The following NANS variants were observed in gnomAD, a reference collection of about 807,000 sequenced individuals.
The protein encoded by NANS is N-acetylneuraminate synthase.
Under a neutral mutation model 33.3 loss-of-function variants are expected in NANS, and 29 were observed. The ratio of observed to expected loss-of-function variants is 0.87; its 90% CI spans 0.65 to 1.19. NANS has a LOEUF of 1.19. NANS is among the 50% of genes most tolerant of loss of function. The pLI is 0.00. For missense variants in NANS, 394 were observed against 461.1 expected (o/e 0.85, Z 1.33); for synonymous variants, 163 against 177.2 (o/e 0.92, Z 0.64).
intron 2 of NANS, among the ~76,000 whole-genome samples, chr9:98,070,271 C>T (rs929317401): frequency 3.9e-5 from 6 of 152,122 alleles, no homozygotes; most frequent in Non-Finnish European, 7.4e-5. Flanking sequence ...GTGTATGCCA[C>T]CATGCCCAGC....
Position 98,082,806 on chromosome 9 carries a change from C to T in NANS, c.871-40C>T, listed in dbSNP as rs1379452602. On this transcript the variant is annotated intron_variant, in intron 5 of 5. Coordinates refer to ENST00000210444, the MANE Select transcript of NANS (RefSeq NM_018946.4). ...AAAGTAAAGTAGTGTGCACTAGTTACTTCTGTGAAGCTGGCACTGAATGTT... is the reference window on the plus strand; with the variant it reads ...AAAGTAAAGTAGTGTGCACTAGTTATTTCTGTGAAGCTGGCACTGAATGTT... The T allele has an allele frequency of 6.9e-6, 11 of 1,596,182 alleles. No individual in the cohort carries two copies. In the African/African-American group the frequency reaches 1.2e-4, roughly 18 times the overall value.
rs1189636288 is a variant in NANS, at chr9:98,075,426, G to GGGAAGGAAAGGGA, written c.349-1474_349-1462dup. 2 of 149,824 alleles carry GGGAAGGAAAGGGA rather than the reference G, an allele frequency of 1.3e-5. 1 individual carries two copies. Among genetic ancestry groups the GGGAAGGAAAGGGA allele is most frequent in the African/African-American group, 4.9e-5 (2 of 40,594 alleles). 9.3% of individuals were successfully genotyped at this position (149,824 alleles called of 1,614,324 possible). On this transcript the variant is annotated intron_variant, in intron 2 of 5. Transcript: ENST00000210444. ...GGGAGGAAGGAAAGGGAGAGAGGGA[G>GGGAAGGAAAGGGA]GGAAGGAAAGGGAGGAAGGAAAGGG...
At chr9:98,072,953 C>T (rs1829409491) in intron 2 of NANS, among the ~76,000 whole-genome samples, 1 of 152,172 alleles carries the variant, frequency 6.6e-6, no homozygotes, top group Non-Finnish European at 1.5e-5. Flanking sequence ...TTTATTAAGG[C>T]CAAGAAAACC....
intron 2 of NANS, among the ~76,000 whole-genome samples, chr9:98,065,224 A>G (rs1165424288): frequency 1.3e-5 from 2 of 151,662 alleles, no homozygotes; most frequent in Non-Finnish European, 2.9e-5. Flanking sequence ...CTAAATAAAT[A>G]GGATTGTTTT....
intron 2 of NANS, chr9:98,075,531 G>T (rs115061181): frequency 4.6e-5 from 7 of 151,820 alleles, no homozygotes; most frequent in African/African-American, 1.2e-4. Context: ...CCGTCGGTCC[G>T]TCGGTCCTAG....
chr9:98,059,373 G>A (rs904883818), intron 1 of NANS, among the ~76,000 whole-genome samples: 7 of 152,036 alleles, frequency 4.6e-5, no homozygotes, highest in African/African-American at 9.7e-5. Context: ...AGAAATGGCC[G>A]TGAGATGGGA....
chr9:98,077,543 T>G (rs886603216), intron 3 of NANS, among the ~76,000 whole-genome samples: 8 of 151,910 alleles, frequency 5.3e-5, no homozygotes, highest in Admixed American at 2.0e-4. Context: ...TATAAGAAAT[T>G]AAGGATATGA....
intron 2 of NANS, among the ~76,000 whole-genome samples, chr9:98,061,481 TAA>T (rs1284256979): frequency 4.2e-4 from 31 of 74,572 alleles, no homozygotes; most frequent in Admixed American, 1.1e-3. Flanking sequence ...CATCTCAAAT[TAA>T]AAAAAAAAAA....
At chr9:98,081,345 T>C in intron 5 of NANS, 1 of 494,800 alleles carries the variant, frequency 2.0e-6, no homozygotes. Context: ...CTTCCACTAA[T>C]TCTCTGAAGC....
chr9:98,061,252 G>T, intron 2 of NANS: 1 of 447,346 alleles, frequency 2.2e-6, no homozygotes, highest in Non-Finnish European at 4.1e-6. Flanking sequence ...TGAGGGGGAT[G>T]GATCACCTGA....
At chr9:98,064,446 G>A (rs1005992019) in intron 2 of NANS, among the ~76,000 whole-genome samples, 1 of 152,014 alleles carries the variant, frequency 6.6e-6, no homozygotes, top group African/African-American at 2.4e-5. Context: ...AGTAGAGATG[G>A]GGTTTCACCA....
intron 2 of NANS, among the ~76,000 whole-genome samples, chr9:98,070,663 G>T (rs535804604): frequency 3.3e-5 from 5 of 151,806 alleles, no homozygotes; most frequent in African/African-American, 1.2e-4. Flanking sequence ...CAGGTGATCC[G>T]CCCACCTTGT....
At chr9:98,079,508 C>G (rs541296015) in intron 4 of NANS, among the ~76,000 whole-genome samples, 2 of 152,258 alleles carry the variant, frequency 1.3e-5, no homozygotes, top group African/African-American at 2.4e-5. Context: ...TGACATTACT[C>G]TCTTTTTACC....
intron 1 of NANS, among the ~76,000 whole-genome samples, chr9:98,057,512 T>C (rs1828860371): frequency 6.6e-6 from 1 of 152,202 alleles, no homozygotes. Flanking sequence ...GGCTGCTTAC[T>C]TAGCCTCCGT....
intron 3 of NANS, chr9:98,077,989 G>A: frequency 1.6e-6 from 1 of 623,338 alleles, no homozygotes; most frequent in Admixed American, 3.0e-5. Context: ...ACACTGTCGG[G>A]GGGCAGAGGG....
intron 2 of NANS, among the ~76,000 whole-genome samples, chr9:98,063,528 C>T (rs2131623855): frequency 6.6e-6 from 1 of 152,212 alleles, no homozygotes; most frequent in East Asian, 1.9e-4. Context: ...AGGTGTGAGC[C>T]ACTGTGCCTG....
chr9:98,080,862 A>G lies in NANS; in HGVS notation c.650A>G (p.His217Arg). 1 of 1,612,094 alleles carries G rather than the reference A, an allele frequency of 6.2e-7. No homozygotes were observed. Among genetic ancestry groups the G allele is most frequent in the Non-Finnish European group, 8.5e-7 (1 of 1,178,376 alleles). ...FPDIPIGYSG[H>R]ETGIAISVAA... The stretch of plus-strand genomic sequence containing the variant: ...GACATTCCCATAGGGTATTCTGGGC[A>G]TGAAACAGGCATAGCGATATCTGTG... Residue 217 changes from histidine to arginine, a missense_variant, in exon 5 of 6, where the codon CAT becomes CGT. Coordinates refer to ENST00000210444, the MANE Select transcript of NANS (RefSeq NM_018946.4).
chr9:98,058,984 G>A (rs1399753758), intron 1 of NANS, among the ~76,000 whole-genome samples: 4 of 152,068 alleles, frequency 2.6e-5, no homozygotes, highest in African/African-American at 4.8e-5. Flanking sequence ...CTAAGAGCAG[G>A]AGTAGTGATC....
At chr9:98,081,162 C>T in intron 5 of NANS, 80 bp downstream of exon 5, 5 of 1,561,512 alleles carry the variant, frequency 3.2e-6, no homozygotes, top group Non-Finnish European at 3.5e-6. Flanking sequence ...ATGGTCAGGA[C>T]CAGCCCTCCC....
Sources: allele counts gnomAD v4.1 joint callset (sites outside exome capture counted in the v4.1 genomes callset), GRCh38; gene constraint gnomAD v4.1.1; transcripts MANE v1.5; gene names NCBI Gene and HGNC (gene_info 2026-07-23, HGNC 2026-07-21).